The following GALK2 variants were observed in gnomAD, a reference collection of about 807,000 sequenced individuals.
GALK2 encodes the protein N-acetylgalactosamine kinase.
Under a neutral mutation model 52.4 loss-of-function variants are expected in GALK2, and 36 were observed. That is an observed-to-expected ratio of 0.69 (90% CI 0.53 to 0.91). The LOEUF is 0.91. Among genes scored for constraint, GALK2 ranks in the 40% least tolerant of loss-of-function variants. The probability of loss-of-function intolerance (pLI) is 0.00; values close to 1 mark genes in which losing one functional copy is unlikely to be tolerated. For missense variants in GALK2, 579 were observed against 559.1 expected, an observed-to-expected ratio of 1.04 and a Z score of -0.36; for synonymous variants, 176 against 199.1, an observed-to-expected ratio of 0.88 and a Z score of 0.98.
At chr15:49,264,429 T>G (rs1356110794) in intron 5 of GALK2, among the ~76,000 whole-genome samples, 1 of 152,152 alleles carries the variant, frequency 6.6e-6, no homozygotes, top group East Asian at 1.9e-4. Context: ...ATCAGCTCCT[T>G]TAAGCGCTTC....
intron 3 of GALK2, among the ~76,000 whole-genome samples, chr15:49,355,242 ATGACTT>A (rs1456169510): frequency 6.6e-6 from 1 of 152,262 alleles, no homozygotes; most frequent in Non-Finnish European, 1.5e-5. Flanking sequence ...TGGATGGAGA[ATGACTT>A]TGAAGAGCTC....
intron 2 of GALK2, among the ~76,000 whole-genome samples, chr15:49,211,810 T>C (rs1186615831): frequency 6.6e-6 from 1 of 152,066 alleles, no homozygotes; most frequent in Non-Finnish European, 1.5e-5. Context: ...ACTCAGGAGA[T>C]TGTGTTAAGC....
chr15:49,247,876 C>CT (rs2091427414), intron 5 of GALK2, among the ~76,000 whole-genome samples: 3 of 152,188 alleles, frequency 2.0e-5, no homozygotes, highest in African/African-American at 7.2e-5. Context: ...AGTCCCTGAA[C>CT]AGATTTACTT....
rs79861991 is a variant in GALK2 at position 49,158,600 on chromosome 15, G to C, written c.20+2584G>C. ...AGGCAGCTGTTATGTGGTATCACATGATAAAAGATTTCTTCCCATACCATT... is the reference window on the plus strand; with the variant it reads ...AGGCAGCTGTTATGTGGTATCACATCATAAAAGATTTCTTCCCATACCATT... On this transcript the variant is annotated intron_variant, in intron 1 of 9. Transcript: ENST00000327171. Among the ~76,000 whole-genome samples, 27 of 152,072 alleles carry C rather than the reference G, an allele frequency of 1.8e-4. No individual in the cohort carries two copies. In the East Asian group the frequency reaches 5.0e-3, roughly 28 times the overall value.
At chr15:49,243,749 T>C (rs1050617557) in intron 5 of GALK2, among the ~76,000 whole-genome samples, 4 of 152,154 alleles carry the variant, frequency 2.6e-5, no homozygotes, top group African/African-American at 4.8e-5. Context: ...AAAATAATAG[T>C]GTTACTTTTT....
At chr15:49,187,197 G>A (rs1057275272) in intron 1 of GALK2, among the ~76,000 whole-genome samples, 2 of 152,224 alleles carry the variant, frequency 1.3e-5, no homozygotes, top group Admixed American at 1.3e-4. Context: ...TTCTTGTAGA[G>A]GTACTGCCTT....
At chr15:49,228,682 TATATA>T (rs1194475017) in intron 3 of GALK2, among the ~76,000 whole-genome samples, 2 of 14,552 alleles carry the variant, frequency 1.4e-4, no homozygotes, top group Admixed American at 6.4e-4. Flanking sequence ...TATATATATA[TATATA>T]TTTTTTTTTT....
At position 49,328,774 on chromosome 15, in the gene GALK2, ATTTTT is replaced by A; in HGVS notation, c.*626_*630del. 7.8e-7 allele frequency: 1 copy of A among 1,279,478 alleles called. No homozygotes were observed. The allele number at this position is 1,279,478 out of a possible 1,614,324, so 79.3% of individuals were successfully genotyped here. The stretch of plus-strand genomic sequence containing the variant: ...TTCTCCAGTTATCAAGAGACTAAGG[ATTTTT>A]TTTTTTTTTTGACAAAAGGAGGATA... On this transcript the variant is annotated 3_prime_UTR_variant, in exon 10 of 10. Transcript: ENST00000560031.
chr15:49,321,235 A>C (rs1338298194), intron 9 of GALK2, among the ~76,000 whole-genome samples: 1 of 111,114 alleles, frequency 9.0e-6, no homozygotes, highest in Admixed American at 7.9e-5. Context: ...AAATGAGAAC[A>C]GCAAATGCAT....
In GALK2 at chr15:49,178,226, T is replaced by G. The variant is rs1481712356; in HGVS notation, c.53+7851T>G. Among the ~76,000 whole-genome samples, 691 of 110,188 alleles carry G rather than the reference T, an allele frequency of 6.3e-3. 16 individuals are homozygous for G. Among genetic ancestry groups the G allele is most frequent in the African/African-American group, 0.022 (650 of 29,318 alleles). 72.3% of individuals were successfully genotyped at this position (110,188 alleles called of 152,430 possible). ...ATATATATATATATATATATATATA[T>G]AGAAATAAAATGTATAAATATGTCT... On this transcript the variant is annotated intron_variant, in intron 1 of 9. Coordinates refer to ENST00000560031, the MANE Select transcript of GALK2 (RefSeq NM_002044.4).
intron 2 of GALK2, among the ~76,000 whole-genome samples, chr15:49,206,637 C>T (rs1460813994): frequency 1.3e-5 from 2 of 151,806 alleles, no homozygotes; most frequent in Non-Finnish European, 2.9e-5. Context: ...TCATTTGATT[C>T]TCTGGTCGCT....
At chr15:49,322,388 G>A (rs564486891) in intron 9 of GALK2, among the ~76,000 whole-genome samples, 12 of 152,188 alleles carry the variant, frequency 7.9e-5, no homozygotes, top group Non-Finnish European at 1.5e-4. Context: ...CTTCTGGCTT[G>A]TTGGCCAGAA....
chr15:49,278,476 C>T (rs2032208890), intron 5 of GALK2, among the ~76,000 whole-genome samples: 1 of 152,144 alleles, frequency 6.6e-6, no homozygotes, highest in South Asian at 2.1e-4. Flanking sequence ...TTATGTAAAT[C>T]AGATGATTCC....
intron 8 of GALK2, among the ~76,000 whole-genome samples, chr15:49,303,314 G>T (rs2035271345): frequency 1.3e-5 from 2 of 152,160 alleles, no homozygotes; most frequent in African/African-American, 4.8e-5. Flanking sequence ...TAAAGGCACG[G>T]CATCATAAAA....
At chr15:49,225,279 C>A in intron 3 of GALK2, 1 of 455,436 alleles carries the variant, frequency 2.2e-6, no homozygotes, top group Non-Finnish European at 4.4e-6. Context: ...TGGACTGGTC[C>A]TGTAGAGCAG....
intron 8 of GALK2, among the ~76,000 whole-genome samples, chr15:49,296,368 CAT>C (rs2034478164): frequency 6.6e-6 from 1 of 152,152 alleles, no homozygotes; most frequent in Non-Finnish European, 1.5e-5. Flanking sequence ...CAATTGAGAA[CAT>C]ATGGTATTTT....
chr15:49,238,559 G>T (rs914566156), intron 4 of GALK2, among the ~76,000 whole-genome samples: 4 of 152,196 alleles, frequency 2.6e-5, no homozygotes, highest in African/African-American at 9.7e-5. Context: ...GCTGGCTCAG[G>T]TTTCTAACTG....
intron 1 of GALK2, among the ~76,000 whole-genome samples, chr15:49,174,082 CATT>C (rs2085282542): frequency 6.6e-6 from 1 of 151,998 alleles, no homozygotes. Context: ...GTATGAATAC[CATT>C]ATTTAACCAC....
At chr15:49,160,477 T>C (rs1310696409) in intron 1 of GALK2, among the ~76,000 whole-genome samples, 1 of 152,036 alleles carries the variant, frequency 6.6e-6, no homozygotes, top group African/African-American at 2.4e-5. Flanking sequence ...CTTGTAACTT[T>C]ACAACAAAAC....
Sources: gnomAD v4.1 joint callset for allele counts (sites outside exome capture counted in the v4.1 genomes callset) on GRCh38, gnomAD v4.1.1 for gene constraint, MANE v1.5 for transcripts, NCBI Gene and HGNC (gene_info 2026-07-23, HGNC 2026-07-21) for gene names.